The following CDH13 variants were observed in gnomAD, a reference collection of about 807,000 sequenced individuals.
CDH13 encodes cadherin-13.
Under a neutral mutation model 63.8 loss-of-function variants are expected in CDH13, and 24 were observed. That is an observed-to-expected ratio of 0.38 (90% confidence interval 0.27 to 0.53). CDH13 has a LOEUF of 0.53. CDH13 is among the 20% of genes least tolerant of loss of function. The pLI, the probability that CDH13 is intolerant of heterozygous loss-of-function variation, is 0.85. For synonymous variants in CDH13, 503 were observed against 355.3 expected, an observed-to-expected ratio of 1.42 and a Z score of -4.67; for missense variants, 1,049 against 903.1, an observed-to-expected ratio of 1.16 and a Z score of -2.07.
intron 1 of CDH13, among the ~76,000 whole-genome samples, chr16:82,801,137 A>G (rs1246895349): frequency 2.6e-5 from 4 of 152,164 alleles, no homozygotes; most frequent in Non-Finnish European, 4.4e-5. Context: ...GAAAGTGTCC[A>G]AATCCCACTT....
chr16:83,666,479 G>A (rs905472023), intron 8 of CDH13, among the ~76,000 whole-genome samples: 9 of 151,928 alleles, frequency 5.9e-5, no homozygotes, highest in Admixed American at 3.3e-4. Flanking sequence ...AGATTTAAAC[G>A]TAACCCAGTT....
At chr16:82,631,307 TAGGTAGCCAAAAGGC>T (rs1272020503) in intron 1 of CDH13, among the ~76,000 whole-genome samples, 1 of 152,214 alleles carries the variant, frequency 6.6e-6, no homozygotes, top group African/African-American at 2.4e-5. Context: ...TTTCATTCTT[TAGGTAGCCAAAAGGC>T]AGGAACAGTT....
intron 1 of CDH13, among the ~76,000 whole-genome samples, chr16:82,706,188 C>G (rs895317303): frequency 6.6e-6 from 1 of 152,092 alleles, no homozygotes; most frequent in African/African-American, 2.4e-5. Flanking sequence ...TTTCCCTTCA[C>G]AAACATTTAT....
At chr16:83,294,842 A>G (rs1442894350) in intron 5 of CDH13, among the ~76,000 whole-genome samples, 1 of 152,144 alleles carries the variant, frequency 6.6e-6, no homozygotes. Context: ...TCTATATTAA[A>G]ATATCAATGA....
intron 5 of CDH13, among the ~76,000 whole-genome samples, chr16:83,305,613 T>C (rs2151880597): frequency 6.6e-6 from 1 of 152,320 alleles, no homozygotes; most frequent in South Asian, 2.1e-4. Context: ...AGCTATAACC[T>C]TGATGCAGTG....
At chr16:83,421,011 T>C (rs2071698620) in intron 6 of CDH13, among the ~76,000 whole-genome samples, 1 of 152,220 alleles carries the variant, frequency 6.6e-6, no homozygotes, top group Non-Finnish European at 1.5e-5. Flanking sequence ...CTGGATGGTG[T>C]CCACCCACAA....
At chr16:83,349,387 C>T (rs957410388) in intron 6 of CDH13, among the ~76,000 whole-genome samples, 1 of 152,098 alleles carries the variant, frequency 6.6e-6, no homozygotes, top group African/African-American at 2.4e-5. Flanking sequence ...GGCATCAATT[C>T]ATGGGTGTTT....
At chr16:83,442,109 C>T (rs988854839) in intron 6 of CDH13, among the ~76,000 whole-genome samples, 26 of 152,112 alleles carry the variant, frequency 1.7e-4, no homozygotes, top group African/African-American at 4.3e-4. Context: ...CCAACTCTGA[C>T]GCAAAGCATG....
chr16:82,927,726 A>G (rs2042348129), intron 2 of CDH13, among the ~76,000 whole-genome samples: 1 of 152,192 alleles, frequency 6.6e-6, no homozygotes, highest in Admixed American at 6.5e-5. Context: ...GTCGTGAGTG[A>G]TAACAGGTAA....
At chr16:83,636,641 G>A (rs963510982) in intron 8 of CDH13, among the ~76,000 whole-genome samples, 2 of 152,258 alleles carry the variant, frequency 1.3e-5, no homozygotes, top group South Asian at 2.1e-4. Context: ...AGTATTCCAC[G>A]GTGTTTTCTA....
At chr16:82,911,087 C>G (rs1450845208) in intron 2 of CDH13, among the ~76,000 whole-genome samples, 3 of 152,130 alleles carry the variant, frequency 2.0e-5, no homozygotes, top group African/African-American at 4.8e-5. Context: ...TGGTGAGTCC[C>G]TAGATCGTAA....
intron 10 of CDH13, among the ~76,000 whole-genome samples, chr16:83,738,590 T>G (rs1911758639): frequency 6.6e-6 from 1 of 151,708 alleles, no homozygotes; most frequent in African/African-American, 2.4e-5. Context: ...TCCTTGGGGG[T>G]TTCAATATGT....
chr16:83,333,118 G>A (rs2090513467), intron 5 of CDH13, among the ~76,000 whole-genome samples: 1 of 152,130 alleles, frequency 6.6e-6, no homozygotes, highest in African/African-American at 2.4e-5. Context: ...GATAAATGAA[G>A]GTGGAGGAAT....
rs142799351 is a variant in CDH13 at position 83,745,424 on chromosome 16, C to T, written c.1539-2684C>T. On this transcript the variant is annotated intron_variant, in intron 10 of 13. Coordinates refer to ENST00000567109, the MANE Select transcript of CDH13 (RefSeq NM_001257.5). ...AATTTACAACAGCGCTGTATCAGAG[C>T]ATCTGTCAATGCTGACTGGAAGCCC... is the stretch of plus-strand genomic sequence containing the variant. Among the ~76,000 whole-genome samples, 168 of 152,286 alleles carry T rather than the reference C, an allele frequency of 1.1e-3. 3 individuals are homozygous for T. Among genetic ancestry groups the T allele is most frequent in the African/African-American group, 3.8e-3 (159 of 41,562 alleles).
chr16:83,258,927 A>C (rs145105281), intron 5 of CDH13, among the ~76,000 whole-genome samples: 1 of 152,310 alleles, frequency 6.6e-6, no homozygotes, highest in Admixed American at 6.5e-5. Context: ...CCACCTTTGA[A>C]GAGGGTGAGT....
At chr16:83,198,404 G>A (rs190758765) in intron 4 of CDH13, among the ~76,000 whole-genome samples, 5 of 151,924 alleles carry the variant, frequency 3.3e-5, no homozygotes, top group South Asian at 2.1e-4. Context: ...TCCAAAGCTC[G>A]ACACCAACAA....
chr16:83,032,339 C>T (rs1025242610), intron 3 of CDH13, 121 bp downstream of exon 3: 4 of 753,490 alleles, frequency 5.3e-6, no homozygotes, highest in African/African-American at 3.5e-5. Context: ...ATTGTTGTTG[C>T]AAATGACAGA....
intron 2 of CDH13, among the ~76,000 whole-genome samples, chr16:82,971,473 G>A (rs1031458957): frequency 6.6e-6 from 1 of 152,312 alleles, no homozygotes; most frequent in Non-Finnish European, 1.5e-5. Flanking sequence ...TATTTTAAAA[G>A]TAAGAAGTGC....
intron 7 of CDH13, among the ~76,000 whole-genome samples, chr16:83,561,207 G>A (rs1469946615): frequency 6.6e-6 from 1 of 152,020 alleles, no homozygotes; most frequent in Non-Finnish European, 1.5e-5. Flanking sequence ...AGCACTTTGG[G>A]AGGCTGAGGT....
Sources: gnomAD v4.1 joint callset for allele counts (sites outside exome capture counted in the v4.1 genomes callset) on GRCh38, gnomAD v4.1.1 for gene constraint, MANE v1.5 for transcripts, NCBI Gene and HGNC (gene_info 2026-07-23, HGNC 2026-07-21) for gene names.